Variants in MEGF11 observed in about 807,000 individuals in gnomAD.
The protein encoded by MEGF11 is multiple epidermal growth factor-like domains protein 11.
In MEGF11, 126 loss-of-function variants were observed where a neutral mutation model predicts 146.6. The ratio of observed to expected loss-of-function variants is 0.86; its 90% confidence interval spans 0.74 to 1.00. The LOEUF (loss-of-function observed/expected upper bound fraction) is 1.00, where lower values mean the gene tolerates loss of function less well. Among genes scored for constraint, MEGF11 ranks in the 50% least tolerant of loss-of-function variants. The probability of loss-of-function intolerance (pLI) is 0.00; values close to 1 mark genes in which losing one functional copy is unlikely to be tolerated. For synonymous variants in MEGF11, 532 were observed against 583.4 expected (o/e 0.91, Z 1.27); for missense variants, 1,509 against 1,521.2 (o/e 0.99, Z 0.13).
intron 5 of MEGF11, among the ~76,000 whole-genome samples, chr15:66,080,226 A>G (rs8035403): frequency 0.012 from 1,766 of 152,264 alleles, 39 homozygotes; most frequent in African/African-American, 0.04. Context: ...GGCTCCTCAC[A>G]ATTGAGTCTG....
In MEGF11 at chr15:65,980,778, C is replaced by A. The variant is rs540013008; in HGVS notation, c.762G>T (p.Thr254=). ...ACCCAGATCCTTTGGGCCCACTTAC[C>A]GTCCAGCCTGGGGGGCAGGCACACT... is the stretch of plus-strand genomic sequence containing the variant. ...TGECACPPGW[T]GAVCAQPCPP... is the part of the protein sequence containing the mutation. The change falls in exon 7 of 26, where the codon ACG becomes ACT. Residue 254 remains threonine, a splice_region_variant and synonymous_variant. Transcript: ENST00000395614. 6.3e-7 allele frequency: 1 copy of A among 1,598,268 alleles called. No homozygotes were observed. Among genetic ancestry groups the A allele is most frequent in the Non-Finnish European group, 8.5e-7 (1 of 1,172,880 alleles).
intron 5 of MEGF11, among the ~76,000 whole-genome samples, chr15:66,084,977 G>T (rs1157663137): frequency 6.6e-6 from 1 of 152,166 alleles, no homozygotes; most frequent in Non-Finnish European, 1.5e-5. Context: ...GGGAAGGGGG[G>T]ACGGGGTGCA....
At chr15:66,193,151 G>A (rs1031561583) in intron 1 of MEGF11, among the ~76,000 whole-genome samples, 15 of 152,196 alleles carry the variant, frequency 9.9e-5, no homozygotes, top group Non-Finnish European at 1.6e-4. Context: ...TTAACATTTT[G>A]TGAAGACTCC....
At chr15:66,089,250 C>G (rs1471783050) in intron 5 of MEGF11, among the ~76,000 whole-genome samples, 1 of 152,226 alleles carries the variant, frequency 6.6e-6, no homozygotes, top group Non-Finnish European at 1.5e-5. Flanking sequence ...CAGCTGCCTT[C>G]ATCACTCAGG....
chr15:66,061,520 G>C (rs888865249), intron 5 of MEGF11, among the ~76,000 whole-genome samples: 1 of 151,744 alleles, frequency 6.6e-6, no homozygotes, highest in Admixed American at 6.5e-5. Flanking sequence ...AGCTACAGCA[G>C]AGACAGAAGG....
chr15:66,223,765 G>A (rs556080775), intron 1 of MEGF11, among the ~76,000 whole-genome samples: 4 of 152,110 alleles, frequency 2.6e-5, no homozygotes, highest in Non-Finnish European at 5.9e-5. Flanking sequence ...AAATAAAATG[G>A]TGGATTTATG....
chr15:65,914,064 A>T, intron 19 of MEGF11, 91 bp from the exon 20 acceptor site: 1 of 928,158 alleles, frequency 1.1e-6, no homozygotes, highest in South Asian at 1.5e-5. Flanking sequence ...AACCCCTCTA[A>T]TGTTAGGAGA....
chr15:66,205,687 G>C (rs11071872), intron 1 of MEGF11, among the ~76,000 whole-genome samples: 148,150 of 152,342 alleles, frequency 0.97, 72,169 homozygotes, highest in East Asian at 1. Flanking sequence ...ACTCCTACCC[G>C]TGCTCAGCTG....
intron 5 of MEGF11, among the ~76,000 whole-genome samples, chr15:66,049,475 T>A (rs553805236): frequency 6.6e-6 from 1 of 152,278 alleles, no homozygotes; most frequent in Non-Finnish European, 1.5e-5. Context: ...ACATTTAGAA[T>A]CTATCTGCAG....
At chr15:66,226,613 G>T (rs1469562986) in intron 1 of MEGF11, among the ~76,000 whole-genome samples, 1 of 152,058 alleles carries the variant, frequency 6.6e-6, no homozygotes, top group African/African-American at 2.4e-5. Flanking sequence ...GTTATAATTG[G>T]TCTATTTTAT....
intron 1 of MEGF11, among the ~76,000 whole-genome samples, chr15:66,203,385 A>C (rs543639326): frequency 6.6e-6 from 1 of 152,314 alleles, no homozygotes; most frequent in Non-Finnish European, 1.5e-5. Context: ...AGCATGAGTC[A>C]ATTTTTGTTC....
intron 5 of MEGF11, among the ~76,000 whole-genome samples, chr15:66,051,100 C>T (rs1467066258): frequency 6.6e-6 from 1 of 152,232 alleles, no homozygotes; most frequent in Non-Finnish European, 1.5e-5. Context: ...AGCACTTGAC[C>T]ATACAAAGTG....
chr15:66,230,737 C>T (rs2091951612), intron 1 of MEGF11, among the ~76,000 whole-genome samples: 1 of 152,186 alleles, frequency 6.6e-6, no homozygotes, highest in African/African-American at 2.4e-5. Flanking sequence ...CGTGGGAGTG[C>T]ACTATACTGT....
chr15:66,224,215 T>C (rs764395520), intron 1 of MEGF11, among the ~76,000 whole-genome samples: 1 of 152,218 alleles, frequency 6.6e-6, no homozygotes, highest in Non-Finnish European at 1.5e-5. Flanking sequence ...GTCTGTAAAC[T>C]GAGAGGATAA....
intron 1 of MEGF11, among the ~76,000 whole-genome samples, chr15:66,197,541 G>A (rs1051487080): frequency 4.6e-5 from 7 of 152,172 alleles, no homozygotes; most frequent in African/African-American, 1.7e-4. Context: ...TCCTGCCTCA[G>A]TCTCCTGAAT....
At chr15:66,232,409 C>T (rs34026282) in intron 1 of MEGF11, among the ~76,000 whole-genome samples, 29,147 of 152,166 alleles carry the variant, frequency 0.19, 3,495 homozygotes, top group Admixed American at 0.27. Context: ...AGCTGTGCTG[C>T]GAGAGACTCA....
At chr15:66,019,316 A>G (rs1486168186) in intron 5 of MEGF11, among the ~76,000 whole-genome samples, 4 of 152,232 alleles carry the variant, frequency 2.6e-5, no homozygotes, top group Non-Finnish European at 5.9e-5. Context: ...ACTTGGGGAA[A>G]AAAACCTTCT....
chr15:66,040,560 G>T (rs1418489803), intron 5 of MEGF11, among the ~76,000 whole-genome samples: 3 of 152,206 alleles, frequency 2.0e-5, no homozygotes, highest in African/African-American at 7.2e-5. Flanking sequence ...GTCCTACAAG[G>T]TGAGGAAGCT....
At chr15:65,954,805 G>A (rs1467948516) in intron 10 of MEGF11, among the ~76,000 whole-genome samples, 1 of 152,182 alleles carries the variant, frequency 6.6e-6, no homozygotes, top group African/African-American at 2.4e-5. Flanking sequence ...GGCCTTTCTG[G>A]GGCCCCAGTT....
Sources: gnomAD v4.1 joint callset for allele counts (sites outside exome capture counted in the v4.1 genomes callset) on GRCh38, gnomAD v4.1.1 for gene constraint, MANE v1.5 for transcripts, NCBI Gene and HGNC (gene_info 2026-07-23, HGNC 2026-07-21) for gene names.